DOCK2: variants seen among roughly 807,000 people sequenced by gnomAD.
The protein encoded by DOCK2 is dedicator of cytokinesis 2.
DOCK2 carries 87 observed loss-of-function variants against 248.9 expected under a neutral mutation model. The ratio of observed to expected loss-of-function variants is 0.35; its 90% CI spans 0.29 to 0.42. The LOEUF (loss-of-function observed/expected upper bound fraction) is 0.42, where lower values mean the gene tolerates loss of function less well. DOCK2 is among the 10% of genes least tolerant of loss of function. DOCK2 has a pLI of 1.00. For missense variants in DOCK2, 1,747 were observed against 2,300.2 expected, an observed-to-expected ratio of 0.76 and a Z score of 4.92; for synonymous variants, 805 against 821.6, an observed-to-expected ratio of 0.98 and a Z score of 0.35.
intron 27 of DOCK2, among the ~76,000 whole-genome samples, chr5:169,896,397 A>G (rs989355807): frequency 6.6e-6 from 1 of 152,158 alleles, no homozygotes; most frequent in Non-Finnish European, 1.5e-5. Flanking sequence ...TTAGATTTCA[A>G]TGCTGGCTCT....
intron 45 of DOCK2, 60 bp from the exon 46 acceptor site, chr5:170,069,077 A>G: frequency 6.7e-7 from 1 of 1,482,786 alleles, no homozygotes; most frequent in Non-Finnish European, 9.3e-7. Context: ...AGTGCCAAAG[A>G]GATTGGCTGT....
At chr5:170,053,086 C>T (rs1051015814) in intron 41 of DOCK2, among the ~76,000 whole-genome samples, 1 of 152,192 alleles carries the variant, frequency 6.6e-6, no homozygotes, top group African/African-American at 2.4e-5. Context: ...TGCAGTTGCC[C>T]AGCCCTCTGG....
chr5:169,913,379 G>T (rs1244962562), intron 27 of DOCK2, among the ~76,000 whole-genome samples: 1 of 152,074 alleles, frequency 6.6e-6, no homozygotes, highest in Admixed American at 6.6e-5. Context: ...CCTAGAACCT[G>T]TTTATAATTC....
At chr5:170,014,245 G>A (rs933782379) in intron 32 of DOCK2, among the ~76,000 whole-genome samples, 5 of 151,994 alleles carry the variant, frequency 3.3e-5, no homozygotes, top group Non-Finnish European at 5.9e-5. Flanking sequence ...AACCAACATC[G>A]AGCACTGTGG....
intron 27 of DOCK2, among the ~76,000 whole-genome samples, chr5:169,952,855 T>C (rs1776717429): frequency 6.6e-6 from 1 of 152,104 alleles, no homozygotes; most frequent in Admixed American, 6.5e-5. Context: ...GATGGACAGA[T>C]ACCTAGATAG....
chr5:169,943,035 G>T (rs904207885), intron 27 of DOCK2, among the ~76,000 whole-genome samples: 1 of 152,210 alleles, frequency 6.6e-6, no homozygotes, highest in Admixed American at 6.5e-5. Flanking sequence ...AATAAGTATA[G>T]GAATGTGTTG....
intron 14 of DOCK2, chr5:169,703,899 A>G (rs1271692637): frequency 6.6e-6 from 1 of 152,230 alleles, no homozygotes; most frequent in Non-Finnish European, 1.5e-5. Flanking sequence ...CCTCAGCTTC[A>G]TTTTTGAAAC....
chr5:170,062,324 C>A (rs1229167223), intron 44 of DOCK2, among the ~76,000 whole-genome samples: 3 of 152,056 alleles, frequency 2.0e-5, no homozygotes, highest in African/African-American at 7.3e-5. Context: ...TCCTGGGTCT[C>A]CCTCCACCCC....
At chr5:169,795,245 TTTTTC>T (rs1450785152) in intron 25 of DOCK2, among the ~76,000 whole-genome samples, 3 of 152,180 alleles carry the variant, frequency 2.0e-5, no homozygotes, top group African/African-American at 7.2e-5. Context: ...TGGAAGTACA[TTTTTC>T]CTTAAGGATT....
chr5:169,760,266 A>G (rs112603962), intron 24 of DOCK2, among the ~76,000 whole-genome samples: 4,628 of 139,920 alleles, frequency 0.033, 90 homozygotes, highest in Middle Eastern at 0.054. Flanking sequence ...AATCAGATAT[A>G]CCTTCTTCTT....
intron 13 of DOCK2, among the ~76,000 whole-genome samples, chr5:169,701,511 T>C (rs1581059627): frequency 6.6e-6 from 1 of 152,056 alleles, no homozygotes; most frequent in Admixed American, 6.5e-5. Context: ...TTTTTTTTTT[T>C]CTTTTTGTTT....
chr5:169,866,068 T>G (rs73801670), intron 27 of DOCK2, among the ~76,000 whole-genome samples: 53 of 136,110 alleles, frequency 3.9e-4, no homozygotes, highest in African/African-American at 1.3e-3. Flanking sequence ...GACTGATGGG[T>G]TGTTGCAGGG....
chr5:170,042,501 T>C (rs1329174396), intron 38 of DOCK2, among the ~76,000 whole-genome samples: 1 of 152,232 alleles, frequency 6.6e-6, no homozygotes, highest in Non-Finnish European at 1.5e-5. Context: ...ATCCTTCCCA[T>C]GGCCCATGAG....
At chr5:169,886,609 AC>A (rs1772986220) in intron 27 of DOCK2, among the ~76,000 whole-genome samples, 1 of 152,236 alleles carries the variant, frequency 6.6e-6, no homozygotes, top group African/African-American at 2.4e-5. Flanking sequence ...CTATGTTAGC[AC>A]CTGGCATTTA....
intron 27 of DOCK2, among the ~76,000 whole-genome samples, chr5:169,952,731 A>G (rs1262853623): frequency 6.6e-6 from 1 of 152,202 alleles, no homozygotes; most frequent in Non-Finnish European, 1.5e-5. Flanking sequence ...GAGACATCTC[A>G]GGTAGGGGTT....
intron 2 of DOCK2, among the ~76,000 whole-genome samples, chr5:169,666,503 A>T (rs1394771179): frequency 2.0e-5 from 3 of 152,168 alleles, no homozygotes; most frequent in Non-Finnish European, 4.4e-5. Flanking sequence ...TGTTACACTG[A>T]GCCTGCTTTT....
At chr5:169,734,119 C>G (rs1057269351) in intron 22 of DOCK2, among the ~76,000 whole-genome samples, 7 of 151,958 alleles carry the variant, frequency 4.6e-5, no homozygotes, top group African/African-American at 1.7e-4. Context: ...TCTTTAAACC[C>G]ATTTTCCAGC....
intron 22 of DOCK2, among the ~76,000 whole-genome samples, chr5:169,727,082 GAAAAA>G (rs1236217147): frequency 2.7e-5 from 4 of 148,254 alleles, no homozygotes; most frequent in African/African-American, 1.0e-4. Flanking sequence ...AAAAAAAAAA[GAAAAA>G]AGAAAGAAAG....
At chr5:169,887,585 A>G (rs1279984516) in intron 27 of DOCK2, among the ~76,000 whole-genome samples, 1 of 152,242 alleles carries the variant, frequency 6.6e-6, no homozygotes, top group African/African-American at 2.4e-5. Flanking sequence ...GTAGGCTAAC[A>G]TGAATTTGTC....
Sources: gnomAD v4.1 joint callset for allele counts (sites outside exome capture counted in the v4.1 genomes callset) on GRCh38, gnomAD v4.1.1 for gene constraint, MANE v1.5 for transcripts, NCBI Gene and HGNC (gene_info 2026-07-23, HGNC 2026-07-21) for gene names.